The following C7orf57 variants were observed in gnomAD, a reference collection of about 807,000 sequenced individuals.
C7orf57 encodes the protein chromosome 7 open reading frame 57, also known as uncharacterized protein C7orf57.
C7orf57 carries 33 observed loss-of-function variants against 39.0 expected under a neutral mutation model. The ratio of observed to expected loss-of-function variants is 0.85; its 90% CI spans 0.64 to 1.13. The LOEUF (loss-of-function observed/expected upper bound fraction) is 1.13. Among genes scored for constraint, C7orf57 ranks in the 50% most tolerant of loss-of-function variants. C7orf57 has a pLI of 0.00. For missense variants in C7orf57, 346 were observed against 362.3 expected (o/e 0.95, Z 0.37); for synonymous variants, 124 against 137.1 (o/e 0.90, Z 0.67).
At position 48,051,833 on chromosome 7, in the gene C7orf57, TTCTTTCTTTCTTTCTTTC is replaced by T. The variant is rs1189322749; in HGVS notation, c.606-865_606-848del. 1.7e-4 allele frequency among the ~76,000 whole-genome samples: 11 copies of T among 63,852 alleles called. 2 individuals are homozygous for T. The highest frequency in any genetic ancestry group is 8.2e-4 in the African/African-American group (11 of 13,436). The allele number at this position is 63,852 out of a possible 152,430, so 41.9% of individuals were successfully genotyped here. Reference sequence around the variant, plus strand: ...TTTTCTCTTCTCTTTCTTTCTTTCTTTCTTTCTTTCTTTCTTTCTTTCTTTCTTTCTTTCTTTCTCTTT... The same window carrying T: ...TTTTCTCTTCTCTTTCTTTCTTTCTTTTTCTTTCTTTCTTTCTTTCTCTTT... On this transcript the variant is annotated intron_variant, in intron 6 of 8. Transcript: ENST00000348904.
At chr7:48,036,788 C>A (rs1790380148) in intron 2 of C7orf57, among the ~76,000 whole-genome samples, 1 of 152,130 alleles carries the variant, frequency 6.6e-6, no homozygotes, top group Non-Finnish European at 1.5e-5. Context: ...TACTTTAGAC[C>A]CCAAGCAAGT....
chr7:48,051,815 TTCTCTTTCTTTCTTTC>T, intron 6 of C7orf57, among the ~76,000 whole-genome samples: 1 of 70,426 alleles, frequency 1.4e-5, no homozygotes, highest in South Asian at 5.7e-4. Context: ...TCCTTTTCTC[TTCTCTTTCTTTCTTTC>T]TTTCTTTCTT....
chr7:48,039,574 A>G (rs540194834), intron 2 of C7orf57, among the ~76,000 whole-genome samples: 1 of 152,328 alleles, frequency 6.6e-6, no homozygotes, highest in South Asian at 2.1e-4. Context: ...ATTATAGAGG[A>G]CAGTCTACTT....
chr7:48,052,681 T>TAGAA lies in C7orf57; in HGVS notation c.606-18_606-17insGAAA. The TAGAA allele has an allele frequency of 6.2e-7, 1 of 1,603,766 alleles. No homozygotes were observed. Among genetic ancestry groups the TAGAA allele is most frequent in the Non-Finnish European group, 8.5e-7 (1 of 1,170,924 alleles). On this transcript the variant is annotated intron_variant, in intron 6 of 8. Transcript: ENST00000348904. The stretch of plus-strand genomic sequence containing the variant: ...TAACCCTTGTACTTAAGTTTCACAT[T>TAGAA]ACTTTTACTCTTTTTAAGGCCTGGT...
Position 48,052,745 on chromosome 7 carries a change from T to C in C7orf57, c.651T>C (p.Ile217=). 2.5e-6 allele frequency: 4 copies of C among 1,613,974 alleles called. No individual in the cohort carries two copies. Among genetic ancestry groups the C allele is most frequent in the East Asian group, 2.2e-5 (1 of 44,882 alleles). ...CACCTACCAATTTTTCCAAACTCAT[T>C]AGCAATGGTTATAAGGATGAGTGGT... is the stretch of plus-strand genomic sequence containing the variant. The part of the protein sequence containing the change: ...NSSPTNFSKL[I]SNGYKDEWLQ... The change falls in exon 7 of 9, where the codon ATT becomes ATC. Residue 217 remains isoleucine (I), a synonymous_variant. Coordinates refer to ENST00000348904, the MANE Select transcript of C7orf57 (RefSeq NM_001100159.3).
In C7orf57 at chr7:48,061,164, C is replaced by G. The variant is rs2128801432; in HGVS notation, c.*892C>G. On this transcript the variant is annotated 3_prime_UTR_variant, in exon 9 of 9. Transcript: ENST00000348904. ...CTAAAATTTAAGTTTCAAATTAGTT[C>G]TCTATATGAGATACTTAATCGAGCA... 6.6e-6 allele frequency: 1 copy of G among 152,162 alleles called. No homozygotes were observed. The highest frequency in any genetic ancestry group is 2.4e-5 in the African/African-American group (1 of 41,520). 9.4% of individuals were successfully genotyped at this position (152,162 alleles called of 1,614,324 possible). A position where few individuals can be genotyped will look rare whatever the true frequency, so the allele number is the denominator to read the frequency against.
At chr7:48,043,391 G>T in intron 3 of C7orf57, 90 bp from the exon 4 acceptor site, 1 of 926,160 alleles carries the variant, frequency 1.1e-6, no homozygotes, top group Non-Finnish European at 1.7e-6. Flanking sequence ...CCTACAGTTC[G>T]CCTTGTAAAT....
intron 6 of C7orf57, among the ~76,000 whole-genome samples, chr7:48,051,766 CTT>C (rs1554299677): frequency 1.6e-5 from 1 of 63,766 alleles, no homozygotes; most frequent in African/African-American, 5.3e-5. Flanking sequence ...TTCTTTCTTT[CTT>C]TCTTTCTTTC....
chr7:48,060,176 T>G (rs1462982006), intron 8 of C7orf57, 50 bp from the exon 9 acceptor site: 5 of 1,214,586 alleles, frequency 4.1e-6, no homozygotes, highest in South Asian at 1.5e-5. Context: ...GTTTTTTAAT[T>G]TATAGAAAAT....
At chr7:48,040,954 A>T (rs1282825820) in intron 2 of C7orf57, among the ~76,000 whole-genome samples, 1 of 152,176 alleles carries the variant, frequency 6.6e-6, no homozygotes, top group Non-Finnish European at 1.5e-5. Context: ...ATTTTTCAGG[A>T]ATGTATATTC....
chr7:48,059,793 G>C (rs972372285), intron 8 of C7orf57, among the ~76,000 whole-genome samples: 2 of 152,166 alleles, frequency 1.3e-5, no homozygotes, highest in Admixed American at 6.5e-5. Flanking sequence ...ACTGTACTTT[G>C]AGAGGGTCAA....
intron 7 of C7orf57, 131 bp from the exon 8 acceptor site, chr7:48,054,464 C>T (rs1033461257): frequency 5.7e-6 from 3 of 526,080 alleles, no homozygotes; most frequent in Non-Finnish European, 9.6e-6. Flanking sequence ...TTTACAATGT[C>T]AAGAGTGTTT....
At chr7:48,045,945 T>C (rs1028301421) in intron 4 of C7orf57, among the ~76,000 whole-genome samples, 56 of 152,278 alleles carry the variant, frequency 3.7e-4, no homozygotes, top group African/African-American at 1.3e-3. Context: ...GGTAAATGTT[T>C]AGGGGTGTTT....
At chr7:48,054,870 T>G (rs2686793) in intron 8 of C7orf57, among the ~76,000 whole-genome samples, 111,739 of 148,512 alleles carry the variant, frequency 0.75, 43,293 homozygotes, top group Middle Eastern at 0.87. Flanking sequence ...TGATGATGAT[T>G]ATTATTATTA....
At chr7:48,054,845 AGAT>A (rs756547871) in intron 8 of C7orf57, among the ~76,000 whole-genome samples, 60 of 150,018 alleles carry the variant, frequency 4.0e-4, no homozygotes, top group South Asian at 4.2e-4. Flanking sequence ...AACAGGATGA[AGAT>A]GATGATGATG....
At chr7:48,046,940 A>G (rs1365142372) in intron 5 of C7orf57, among the ~76,000 whole-genome samples, 2 of 152,238 alleles carry the variant, frequency 1.3e-5, no homozygotes, top group African/African-American at 4.8e-5. Flanking sequence ...ATATTTAGTC[A>G]TCCCATTTCT....
chr7:48,036,353 C>A lies in C7orf57; in HGVS notation c.45C>A (p.Tyr15Ter), dbSNP rs368113912. 13 of 1,587,834 alleles carry A rather than the reference C, an allele frequency of 8.2e-6. No individual in the cohort carries two copies. Among genetic ancestry groups the A allele is most frequent in the Admixed American group, 1.8e-5 (1 of 55,950 alleles). The change falls in exon 2 of 9, where the codon TAC becomes TAA. Residue 15 changes from tyrosine (Y) to a stop codon, truncating the protein, a stop_gained. Transcript: ENST00000348904. LOFTEE classifies it high-confidence loss of function. ...AACTTCAGGGCGCCACGCACCGCTA[C>A]GCTCCCTGCGGTGAGTGCGCCCTGA... Reference protein sequence around the residue: ...SKELQGATHRYAPCDWYYHVP... With the variant: ...SKELQGATHR
Position 48,043,493 on chromosome 7 carries a change from A to G in C7orf57, c.254A>G (p.His85Arg). Residue 85 changes from histidine (H) to arginine (R), a missense_variant, in exon 4 of 9, where the codon CAC (histidine) becomes CGC (arginine). By Grantham distance (29) the His-to-Arg change is conservative. Transcript: ENST00000348904. ...KQGGRPDLLK[H>R]FAPGTRKGSP... ...TTTCTCTTTTGAGATTTGTTGAAGC[A>G]CTTTGCCCCTGGAACCAGGAAAGGC... is the stretch of plus-strand genomic sequence containing the variant. 6.2e-7 allele frequency: 1 copy of G among 1,613,610 alleles called. No individual in the cohort carries two copies. Among genetic ancestry groups the G allele is most frequent in the Non-Finnish European group, 8.5e-7 (1 of 1,179,758 alleles).
chr7:48,043,546 T>G lies in C7orf57; in HGVS notation c.307T>G (p.Trp103Gly), dbSNP rs1360680319. Residue 103 changes from tryptophan to glycine, a missense_variant, in exon 4 of 9, where the codon TGG becomes GGG. Trp to Gly is a radical substitution (Grantham distance 184, BLOSUM62 -2). Transcript: ENST00000348904. ...TCCAGTGGCCTACTCCCTGCCAGAC[T>G]GGTATATCCACCACAGCAAGCCACC... Reference protein sequence around the residue: ...GSPVAYSLPDWYIHHSKPPTA... With the variant: ...GSPVAYSLPDGYIHHSKPPTA... The G allele has an allele frequency of 6.2e-7, 1 of 1,613,984 alleles. No homozygotes were observed. The highest frequency in any genetic ancestry group is 1.1e-5 in the South Asian group (1 of 91,070).
Sources: allele counts gnomAD v4.1 joint callset (sites outside exome capture counted in the v4.1 genomes callset), GRCh38; gene constraint gnomAD v4.1.1; transcripts MANE v1.5; gene names NCBI Gene and HGNC (gene_info 2026-07-23, HGNC 2026-07-21).